NRIP1: variants seen among roughly 807,000 people sequenced by gnomAD.
NRIP1 encodes the protein nuclear receptor-interacting protein 1.
A neutral mutation model predicts 75.0 loss-of-function variants in NRIP1; 28 were observed. That is an observed-to-expected ratio of 0.37 (90% confidence interval 0.28 to 0.51). The LOEUF (loss-of-function observed/expected upper bound fraction) is 0.51. Ranked by LOEUF, NRIP1 falls within the 20% of genes least tolerant of loss-of-function variation. The probability of loss-of-function intolerance (pLI) is 0.92; values close to 1 mark genes in which losing one functional copy is unlikely to be tolerated. For synonymous variants in NRIP1, 526 were observed against 487.6 expected (o/e 1.08, Z -1.04); for missense variants, 1,435 against 1,343.7 (o/e 1.07, Z -1.06).
At chr21:15,025,184 G>A (rs971750446) in intron 2 of NRIP1, among the ~76,000 whole-genome samples, 3 of 152,098 alleles carry the variant, frequency 2.0e-5, no homozygotes, top group African/African-American at 4.8e-5. Flanking sequence ...TAAAACTAAG[G>A]GGCAGGGTGA....
chr21:15,043,230 T>C (rs1190847707), intron 2 of NRIP1, among the ~76,000 whole-genome samples: 1 of 152,218 alleles, frequency 6.6e-6, no homozygotes, highest in East Asian at 1.9e-4. Context: ...AATAGTTCTA[T>C]AGTAGTAAAG....
intron 3 of NRIP1, among the ~76,000 whole-genome samples, chr21:14,994,367 C>T (rs536793110): frequency 1.9e-4 from 29 of 152,274 alleles, no homozygotes; most frequent in African/African-American, 5.5e-4. Flanking sequence ...TCAAGTGATC[C>T]GCCTACCTCA....
At chr21:15,019,831 G>C (rs1346537944) in intron 2 of NRIP1, among the ~76,000 whole-genome samples, 11 of 151,924 alleles carry the variant, frequency 7.2e-5, no homozygotes, top group Admixed American at 5.9e-4. Flanking sequence ...TACTCTTGTG[G>C]CTGAATGGAA....
chr21:15,003,166 C>T (rs1014908448), intron 3 of NRIP1, among the ~76,000 whole-genome samples: 2 of 152,086 alleles, frequency 1.3e-5, no homozygotes, highest in African/African-American at 4.8e-5. Context: ...TTTTTAACAA[C>T]ATACATTGCC....
intron 1 of NRIP1, among the ~76,000 whole-genome samples, chr21:15,063,464 C>T (rs1978512572): frequency 6.6e-6 from 1 of 152,132 alleles, no homozygotes; most frequent in African/African-American, 2.4e-5. Flanking sequence ...ATAATGCCAC[C>T]CACTTACTAA....
chr21:15,037,130 C>T (rs1333920714), intron 2 of NRIP1, among the ~76,000 whole-genome samples: 3 of 152,120 alleles, frequency 2.0e-5, no homozygotes, highest in African/African-American at 7.2e-5. Context: ...GAGCATTCTA[C>T]ATATCACAGT....
Position 14,961,415 on chromosome 21 carries a change from T to C in NRIP1, c.*3301A>G, listed in dbSNP as rs1182600908. 6.6e-6 allele frequency: 1 copy of C among 152,456 alleles called. No individual in the cohort carries two copies. Among genetic ancestry groups the C allele is most frequent in the African/African-American group, 2.4e-5 (1 of 41,440 alleles). 9.4% of individuals were successfully genotyped at this position (152,456 alleles called of 1,614,324 possible). A position where few individuals can be genotyped will look rare whatever the true frequency, so the allele number is the denominator to read the frequency against. ...CTGAGCAGATCGCATCAAATTTGGT[T>C]GTGTAAACACCAGAATTCTTACTAT... On this transcript the variant is annotated 3_prime_UTR_variant, in exon 4 of 4. Coordinates refer to ENST00000318948, the MANE Select transcript of NRIP1 (RefSeq NM_003489.4).
At chr21:14,984,597 T>C (rs1196238167) in intron 3 of NRIP1, among the ~76,000 whole-genome samples, 1 of 152,190 alleles carries the variant, frequency 6.6e-6, no homozygotes, top group Non-Finnish European at 1.5e-5. Context: ...ACTTAGTAGA[T>C]AAAGCAGTAG....
rs2086649442 is a variant in NRIP1, at chr21:14,963,769, G to A, written c.*947C>T. 6.6e-6 allele frequency: 1 copy of A among 152,118 alleles called. No individual in the cohort carries two copies. The highest frequency in any genetic ancestry group is 1.5e-5 in the Non-Finnish European group (1 of 67,998). The allele number at this position is 152,118 out of a possible 1,614,324, so 9.4% of individuals were successfully genotyped here. ...AGTGCTCCAGATGGTTCTAATGCAA[G>A]TGGTCTGAGTTCAGGTTTAAGGAAT... On this transcript the variant is annotated 3_prime_UTR_variant, in exon 4 of 4. Coordinates refer to ENST00000318948, the MANE Select transcript of NRIP1 (RefSeq NM_003489.4).
At chr21:15,047,698 G>T (rs908366937) in intron 1 of NRIP1, among the ~76,000 whole-genome samples, 3 of 152,192 alleles carry the variant, frequency 2.0e-5, no homozygotes, top group Non-Finnish European at 1.5e-5. Flanking sequence ...TACAATTCAA[G>T]ATGAGATTTG....
At chr21:14,976,518 C>CAGTA (rs1555881209) in intron 3 of NRIP1, among the ~76,000 whole-genome samples, 2 of 152,042 alleles carry the variant, frequency 1.3e-5, no homozygotes, top group Non-Finnish European at 2.9e-5. Flanking sequence ...AAATAAAAGA[C>CAGTA]AGTAGTAAAT....
intron 1 of NRIP1, among the ~76,000 whole-genome samples, chr21:15,052,858 A>G (rs2089232033): frequency 6.6e-6 from 1 of 152,164 alleles, no homozygotes; most frequent in African/African-American, 2.4e-5. Context: ...TACTTCATAC[A>G]ATTAAAAAAA....
At chr21:15,004,727 A>G (rs1161344849) in intron 3 of NRIP1, among the ~76,000 whole-genome samples, 2 of 152,234 alleles carry the variant, frequency 1.3e-5, no homozygotes, top group East Asian at 3.8e-4. Context: ...CATAGAAAAA[A>G]GATGGTCTTC....
chr21:15,055,151 C>A (rs976775704), intron 1 of NRIP1, among the ~76,000 whole-genome samples: 2 of 152,136 alleles, frequency 1.3e-5, no homozygotes, highest in African/African-American at 4.8e-5. Context: ...TTATTTGTTA[C>A]CTTTCTCAAG....
In NRIP1 at chr21:15,019,470, C is replaced by CTTTTTTTTTTTTTTTTTT. The variant is rs539278321; in HGVS notation, c.-457-5022_-457-5005dup. Among the ~76,000 whole-genome samples the CTTTTTTTTTTTTTTTTTT allele has an allele frequency of 1.3e-4, 5 of 38,696 alleles. 2 individuals are homozygous for CTTTTTTTTTTTTTTTTTT. In the East Asian group the frequency reaches 4.6e-3, roughly 36 times the overall value. The allele number at this position is 38,696 out of a possible 152,430, so 25.4% of individuals were successfully genotyped here. A position where few individuals can be genotyped will look rare whatever the true frequency, so the allele number is the denominator to read the frequency against. The stretch of plus-strand genomic sequence containing the variant: ...ACAAGATCCACAAACAACTGCATTT[C>CTTTTTTTTTTTTTTTTTT]TTTTTTTTTTTTTTTTTTTTTTTTT... On this transcript the variant is annotated intron_variant, in intron 2 of 3. Coordinates refer to ENST00000318948, the MANE Select transcript of NRIP1 (RefSeq NM_003489.4).
At chr21:15,038,033 A>G (rs1192194931) in intron 2 of NRIP1, among the ~76,000 whole-genome samples, 2 of 152,110 alleles carry the variant, frequency 1.3e-5, no homozygotes. Flanking sequence ...TCCTGTTCCA[A>G]TGAAAATGAT....
intron 3 of NRIP1, among the ~76,000 whole-genome samples, chr21:15,004,113 A>C (rs2087911549): frequency 6.6e-6 from 1 of 152,168 alleles, no homozygotes; most frequent in African/African-American, 2.4e-5. Context: ...TCAATAGGAG[A>C]AAAATCCTTC....
chr21:14,985,266 T>C (rs1176130108), intron 3 of NRIP1, among the ~76,000 whole-genome samples: 2 of 152,224 alleles, frequency 1.3e-5, no homozygotes, highest in Non-Finnish European at 2.9e-5. Flanking sequence ...GCTGTCATAA[T>C]TCTATGGAAA....
At chr21:14,979,604 T>C (rs1478791494) in intron 3 of NRIP1, among the ~76,000 whole-genome samples, 1 of 152,246 alleles carries the variant, frequency 6.6e-6, no homozygotes, top group Admixed American at 6.5e-5. Flanking sequence ...GAAGTCAAGA[T>C]CTTCATGCAC....
Sources: allele counts gnomAD v4.1 joint callset (sites outside exome capture counted in the v4.1 genomes callset), GRCh38; gene constraint gnomAD v4.1.1; transcripts MANE v1.5; gene names NCBI Gene and HGNC (gene_info 2026-07-23, HGNC 2026-07-21).